Variants in DCC observed in about 807,000 individuals in gnomAD.
DCC encodes the protein DCC netrin 1 receptor.
DCC carries 58 observed loss-of-function variants against 172.5 expected under a neutral mutation model. The ratio of observed to expected loss-of-function variants is 0.34; its 90% confidence interval spans 0.27 to 0.42. The LOEUF is 0.42. Ranked by LOEUF, DCC falls within the 10% of genes least tolerant of loss-of-function variation. The probability of loss-of-function intolerance (pLI) is 1.00; values close to 1 mark genes in which losing one functional copy is unlikely to be tolerated. For missense variants in DCC, 1,740 were observed against 1,791.0 expected, an observed-to-expected ratio of 0.97 and a Z score of 0.51; for synonymous variants, 709 against 644.5, an observed-to-expected ratio of 1.10 and a Z score of -1.52.
intron 7 of DCC, among the ~76,000 whole-genome samples, chr18:53,070,747 AG>A (rs1184404467): frequency 2.0e-5 from 3 of 152,222 alleles, no homozygotes; most frequent in African/African-American, 7.2e-5. Flanking sequence ...AGAAAGTAAA[AG>A]AAAATGAAGA....
At chr18:53,145,751 AGG>A (rs1294025704) in intron 7 of DCC, among the ~76,000 whole-genome samples, 2 of 152,188 alleles carry the variant, frequency 1.3e-5, no homozygotes, top group African/African-American at 4.8e-5. Flanking sequence ...CTAGAAAACA[AGG>A]GGGAAGAAGA....
intron 9 of DCC, among the ~76,000 whole-genome samples, chr18:53,196,484 T>A (rs2055444705): frequency 6.6e-6 from 1 of 152,212 alleles, no homozygotes; most frequent in Admixed American, 6.5e-5. Context: ...AGGTCAATTC[T>A]TGTAATCCCT....
chr18:52,626,658 G>T (rs957739554), intron 1 of DCC, among the ~76,000 whole-genome samples: 2 of 151,966 alleles, frequency 1.3e-5, no homozygotes, highest in Admixed American at 1.3e-4. Flanking sequence ...TTAGCCCTCC[G>T]TATCATGGGT....
chr18:52,578,329 C>T (rs1041747687), intron 1 of DCC, among the ~76,000 whole-genome samples: 4 of 152,148 alleles, frequency 2.6e-5, no homozygotes, highest in Admixed American at 1.3e-4. Flanking sequence ...TAGTTCTTAC[C>T]AGCTAAGTTC....
intron 5 of DCC, among the ~76,000 whole-genome samples, chr18:52,994,774 G>T (rs964376550): frequency 2.6e-5 from 4 of 152,138 alleles, no homozygotes; most frequent in African/African-American, 9.7e-5. Context: ...AAAGAGATCT[G>T]ACAAGCCTGA....
chr18:53,069,950 G>A (rs746615710), intron 7 of DCC, among the ~76,000 whole-genome samples: 2 of 150,076 alleles, frequency 1.3e-5, no homozygotes, highest in Non-Finnish European at 3.0e-5. Flanking sequence ...GTGGAGTTCT[G>A]TTTGTTTTGT....
chr18:52,598,130 C>T (rs948591), intron 1 of DCC, among the ~76,000 whole-genome samples: 134,925 of 152,172 alleles, frequency 0.89, 60,207 homozygotes, highest in Middle Eastern at 0.97. Context: ...AAGCAAGATA[C>T]TATATTGCAC....
intron 5 of DCC, among the ~76,000 whole-genome samples, chr18:53,032,464 G>T (rs1256415666): frequency 1.3e-5 from 2 of 152,012 alleles, no homozygotes; most frequent in African/African-American, 4.8e-5. Flanking sequence ...AACATATTTT[G>T]CATGCATAGC....
intron 3 of DCC, among the ~76,000 whole-genome samples, chr18:52,918,118 G>T: frequency 6.6e-6 from 1 of 152,038 alleles, no homozygotes. Context: ...GTATATCTTA[G>T]AGAATAAAAT....
chr18:52,362,885 C>T, intron 1 of DCC, among the ~76,000 whole-genome samples: 1 of 151,948 alleles, frequency 6.6e-6, no homozygotes, highest in South Asian at 2.1e-4. Flanking sequence ...CGTTCATTTC[C>T]TTCCTTCCTT....
At chr18:53,516,963 A>G (rs2046341113) in intron 27 of DCC, among the ~76,000 whole-genome samples, 1 of 145,340 alleles carries the variant, frequency 6.9e-6, no homozygotes, top group Non-Finnish European at 1.5e-5. Flanking sequence ...TACCCAAAGG[A>G]CTATAAATCA....
intron 15 of DCC, among the ~76,000 whole-genome samples, chr18:53,383,666 G>A (rs372806311): frequency 2.6e-5 from 4 of 151,456 alleles, no homozygotes; most frequent in South Asian, 2.1e-4. Flanking sequence ...TATTGCTACC[G>A]AGTCCAGGTT....
chr18:53,269,780 A>C (rs1182831689), intron 12 of DCC, among the ~76,000 whole-genome samples: 4 of 151,960 alleles, frequency 2.6e-5, no homozygotes, highest in Admixed American at 1.3e-4. Context: ...TAGAAATTGC[A>C]CTCTAGAGTC....
At chr18:52,906,614 C>T (rs1474046635) in intron 3 of DCC, among the ~76,000 whole-genome samples, 1 of 151,338 alleles carries the variant, frequency 6.6e-6, no homozygotes, top group African/African-American at 2.4e-5. Flanking sequence ...TTGTGCAAGG[C>T]CCATTGATAA....
At chr18:52,343,373 G>T (rs1983741983) in intron 1 of DCC, among the ~76,000 whole-genome samples, 1 of 152,290 alleles carries the variant, frequency 6.6e-6, no homozygotes, top group Non-Finnish European at 1.5e-5. Context: ...AGACTTTGTT[G>T]ATTGGTAACA....
intron 12 of DCC, among the ~76,000 whole-genome samples, chr18:53,300,359 C>G (rs1183564563): frequency 6.6e-6 from 1 of 152,166 alleles, no homozygotes; most frequent in African/African-American, 2.4e-5. Context: ...TTTTAGCCCT[C>G]ATACTGTAAA....
intron 13 of DCC, among the ~76,000 whole-genome samples, chr18:53,314,114 G>A (rs2057316725): frequency 6.6e-6 from 1 of 152,118 alleles, no homozygotes; most frequent in Non-Finnish European, 1.5e-5. Flanking sequence ...ACGTTAGATA[G>A]GAAATAGCTA....
chr18:53,335,714 T>C (rs570211524), intron 14 of DCC, among the ~76,000 whole-genome samples: 65 of 152,242 alleles, frequency 4.3e-4, no homozygotes, highest in Middle Eastern at 3.4e-3. Context: ...TTTGGGGCCT[T>C]GTATTAGTCT....
chr18:52,369,517 C>T (rs1453051016), intron 1 of DCC, among the ~76,000 whole-genome samples: 3 of 151,872 alleles, frequency 2.0e-5, no homozygotes, highest in Admixed American at 6.6e-5. Flanking sequence ...AAGGCAGCCC[C>T]GGGGATCATG....
Sources: allele counts gnomAD v4.1 joint callset (sites outside exome capture counted in the v4.1 genomes callset), GRCh38; gene constraint gnomAD v4.1.1; transcripts MANE v1.5; gene names NCBI Gene and HGNC (gene_info 2026-07-23, HGNC 2026-07-21).